ARHGAP9: variants seen among roughly 807,000 people sequenced by gnomAD.
ARHGAP9 encodes rho GTPase-activating protein 9.
ARHGAP9 carries 76 observed loss-of-function variants against 87.3 expected under a neutral mutation model. That is an observed-to-expected ratio of 0.87 (90% confidence interval 0.72 to 1.05). The LOEUF is 1.05. Among genes scored for constraint, ARHGAP9 ranks in the 50% least tolerant of loss-of-function variants. ARHGAP9 has a pLI of 0.00. For missense variants in ARHGAP9, 941 were observed against 960.5 expected, an observed-to-expected ratio of 0.98 and a Z score of 0.27; for synonymous variants, 382 against 394.9, an observed-to-expected ratio of 0.97 and a Z score of 0.39.
rs202031620 is a variant in ARHGAP9, at chr12:57,473,677, C to G, written c.1950G>C (p.Gln650His). 5 of 1,614,086 alleles carry G rather than the reference C, an allele frequency of 3.1e-6. No homozygotes were observed. In the East Asian group the frequency reaches 1.1e-4, roughly 36 times the overall value. Residue 650 changes from glutamine to histidine, a missense_variant, in exon 17 of 18, where the codon CAG becomes CAC. Gln to His is a conservative substitution (Grantham distance 24, BLOSUM62 0). Coordinates refer to ENST00000393791, the MANE Select transcript of ARHGAP9 (RefSeq NM_032496.4). ...GCATTGAGCCTATTAATTCTTGTAT[C>G]TGAGAGAGGCACTGCTCTGATTCGG... is the stretch of plus-strand genomic sequence containing the variant. ...ALSESEQCLS[Q>H]IQELIGSMPK...
intron 8 of ARHGAP9, 57 bp downstream of exon 8, chr12:57,476,307 T>C (rs1261603095): frequency 6.3e-7 from 1 of 1,586,524 alleles, no homozygotes; most frequent in Non-Finnish European, 8.6e-7. Context: ...GCCCCCACAT[T>C]GGCGTGAGGC....
chr12:57,478,961 A>T, intron 2 of ARHGAP9, 130 bp downstream of exon 2: 1 of 1,300,536 alleles, frequency 7.7e-7, no homozygotes, highest in East Asian at 2.3e-5. Context: ...GGCTGATCAA[A>T]GAAAAACAAG....
At chr12:57,487,850 CAAAAAAAAA>C (rs10715375) in intron 1 of ARHGAP9, 19 of 175,948 alleles carry the variant, frequency 1.1e-4, no homozygotes, top group South Asian at 2.9e-4. Context: ...CGCCCTCTCA[CAAAAAAAAA>C]AAAAAAAAAA....
At chr12:57,473,352 G>T (rs757152101) in intron 17 of ARHGAP9, among the ~76,000 whole-genome samples, 1 of 152,206 alleles carries the variant, frequency 6.6e-6, no homozygotes, top group Non-Finnish European at 1.5e-5. Flanking sequence ...GGCAGAGGTT[G>T]CAGTGAGCTG....
upstream of ARHGAP9, among the ~76,000 whole-genome samples, chr12:57,482,723 A>T (rs929483501): frequency 4.6e-5 from 7 of 152,154 alleles, no homozygotes; most frequent in Admixed American, 2.0e-4. Flanking sequence ...TAAATAAAAT[A>T]ATTTAATAAA....
At position 57,479,765 on chromosome 12, in the gene ARHGAP9, T is replaced by A. The variant is rs1837803762; in HGVS notation, c.-54A>T. On this transcript the variant is annotated 5_prime_UTR_variant, in exon 1 of 18. Coordinates refer to ENST00000393791, the MANE Select transcript of ARHGAP9 (RefSeq NM_032496.4). ...CCATCAGAAGATTCAGGAGCAGGAG[T>A]TGGTCCTGGGTAGTGGTGGGAGTCT... The A allele has an allele frequency of 1.3e-6, 2 of 1,550,014 alleles. No homozygotes were observed. Among genetic ancestry groups the A allele is most frequent in the Admixed American group, 3.9e-5 (2 of 50,856 alleles).
At position 57,472,546 on chromosome 12, in the gene ARHGAP9, G is replaced by C. The variant is rs1565605961; in HGVS notation, c.2167C>G (p.Leu723Val). 9.3e-6 allele frequency: 15 copies of C among 1,614,202 alleles called. No homozygotes were observed. The highest frequency in any genetic ancestry group is 1.3e-5 in the Non-Finnish European group (15 of 1,180,028). Residue 723 changes from leucine to valine, a missense_variant, in exon 18 of 18, where the codon CTC becomes GTC. Leu to Val is a conservative substitution (Grantham distance 32). Transcript: ENST00000393791. ...GGGAAGAGGCTGGTGAAGTTGGTGA[G>C]CATCAGCTGGACCAGCTGCCCTGGG... ...LYPGQLVQLM[L>V]TNFTSLFP is the part of the protein sequence containing the mutation.
chr12:57,473,449 C>T (rs1872524039), intron 17 of ARHGAP9, among the ~76,000 whole-genome samples, 154 bp downstream of exon 17: 1 of 152,088 alleles, frequency 6.6e-6, no homozygotes. Context: ...GGTTTTGACT[C>T]TGGTAATATG....
Position 57,473,600 on chromosome 12 carries a change from G to A in ARHGAP9, c.2024+3C>T. On this transcript the variant is annotated splice_donor_region_variant and intron_variant, in intron 17 of 17. Transcript: ENST00000393791. ...ATGAACAAAGAGGTTCTGTCTTCCT[G>A]ACCTGCATAAATGCTCCAGGAGGTA... 1 of 1,611,096 alleles carries A rather than the reference G, an allele frequency of 6.2e-7. No individual in the cohort carries two copies. The highest frequency in any genetic ancestry group is 8.5e-7 in the Non-Finnish European group (1 of 1,177,422).
In ARHGAP9 at chr12:57,476,959, G is replaced by A. The variant is rs1460123834; in HGVS notation, c.875C>T (p.Ser292Leu). Residue 292 changes from serine (S) to leucine (L), a missense_variant, in exon 6 of 18, where the codon TCA (serine) becomes TTA (leucine). Ser to Leu is a moderately radical substitution (Grantham distance 145). Coordinates refer to ENST00000393791, the MANE Select transcript of ARHGAP9 (RefSeq NM_032496.4). ...GTPEPLDPQG[S>L]LSLSQRTSQL... ...CGAGGTGCGTTGGCTGAGGCTGAGT[G>A]AACCCTAGGGGAGAGGATTGGAGAA... The A allele has an allele frequency of 6.2e-7, 1 of 1,612,424 alleles. No individual in the cohort carries two copies. Among genetic ancestry groups the A allele is most frequent in the African/African-American group, 1.3e-5 (1 of 74,520 alleles).
chr12:57,476,822 AG>A (rs561259914), intron 6 of ARHGAP9, 48 bp downstream of exon 6: 653 of 820,452 alleles, frequency 8.0e-4, no homozygotes, highest in Non-Finnish European at 1.0e-3. Flanking sequence ...AAAAGGGGGG[AG>A]GGGGGGCAGG....
chr12:57,486,565 C>G, intron 1 of ARHGAP9, among the ~76,000 whole-genome samples: 1 of 146,610 alleles, frequency 6.8e-6, no homozygotes, highest in South Asian at 2.2e-4. Flanking sequence ...CCACCGCGCC[C>G]GGCCTTACTT....
At chr12:57,487,850 CAAAAAA>C (rs10715375) in intron 1 of ARHGAP9, 1,010 of 179,386 alleles carry the variant, frequency 5.6e-3, no homozygotes, top group South Asian at 8.5e-3. Context: ...CGCCCTCTCA[CAAAAAA>C]AAAAAAAAAA....
chr12:57,475,339 C>A lies in ARHGAP9; in HGVS notation c.1504G>T (p.Ala502Ser). Residue 502 changes from alanine to serine, a missense_variant, in exon 12 of 18, where the codon GCG (alanine) becomes TCG (serine). Physicochemically the swap from Ala to Ser is moderately conservative, Grantham distance 99. Transcript: ENST00000393791. ...AGGCTTTGTAAGGGCGGTCTCTTCG[C>A]GATGAGCCGCTTTAGTTTGTTGCGC... ...RVRNKLKRLI[A>S]KRPPLQSLQE... 6.2e-7 allele frequency: 1 copy of A among 1,603,060 alleles called. No homozygotes were observed.
At chr12:57,479,459 G>A in intron 1 of ARHGAP9, 35 bp from the exon 2 acceptor site, 2 of 1,581,924 alleles carry the variant, frequency 1.3e-6, no homozygotes, top group South Asian at 2.3e-5. Flanking sequence ...ACCCAGAAGG[G>A]AATAGGCCTG....
chr12:57,481,626 C>T (rs2139969877), upstream of ARHGAP9, among the ~76,000 whole-genome samples: 1 of 152,272 alleles, frequency 6.6e-6, no homozygotes, highest in Non-Finnish European at 1.5e-5. Flanking sequence ...TGTCCCCTCA[C>T]TCCGCCACCT....
At chr12:57,484,056 A>T (rs1368141182), upstream of ARHGAP9, 18 of 272,462 alleles carry the variant, frequency 6.6e-5, no homozygotes, top group African/African-American at 2.8e-4. Context: ...AAAAAAAAAA[A>T]AAAAAAAAAA....
chr12:57,485,601 G>A (rs1426394402), intron 1 of ARHGAP9, among the ~76,000 whole-genome samples: 1 of 151,546 alleles, frequency 6.6e-6, no homozygotes, highest in Non-Finnish European at 1.5e-5. Context: ...TGTTGGCCAG[G>A]CAGTCTTGAA....
chr12:57,488,237 G>T (rs36085497), intron 1 of ARHGAP9: 6 of 1,577,686 alleles, frequency 3.8e-6, no homozygotes, highest in Non-Finnish European at 3.5e-6. Context: ...GGATGGGGGG[G>T]CGGGACCGAA....
Sources: allele counts gnomAD v4.1 joint callset (sites outside exome capture counted in the v4.1 genomes callset), GRCh38; gene constraint gnomAD v4.1.1; transcripts MANE v1.5; gene names NCBI Gene and HGNC (gene_info 2026-07-23, HGNC 2026-07-21).